The following CAST variants were observed in gnomAD, a reference collection of about 807,000 sequenced individuals.
CAST encodes the protein calpastatin.
A neutral mutation model predicts 119.6 loss-of-function variants in CAST; 76 were observed. The observed-to-expected ratio is 0.64, with a 90% confidence interval of 0.53 to 0.77. CAST has a LOEUF of 0.77. Among genes scored for constraint, CAST ranks in the 30% least tolerant of loss-of-function variants. The probability of loss-of-function intolerance (pLI) is 0.00; values close to 1 mark genes in which losing one functional copy is unlikely to be tolerated. For missense variants in CAST, 953 were observed against 946.5 expected (o/e 1.01, Z -0.09); for synonymous variants, 319 against 331.6 (o/e 0.96, Z 0.41).
the CAST span, among the ~76,000 whole-genome samples, chr5:96,449,378 C>T: frequency 3.9e-5 from 6 of 152,256 alleles, no homozygotes; most frequent in East Asian, 5.8e-4. Flanking sequence ...ACTGCACATG[C>T]GAGGAATCTG....
chr5:96,009,218 A>G, the CAST span, among the ~76,000 whole-genome samples: 1 of 152,332 alleles, frequency 6.6e-6, no homozygotes, highest in South Asian at 2.1e-4. Context: ...ACCACTGATT[A>G]GCATCTAGGT....
intron 1 of CAST, among the ~76,000 whole-genome samples, chr5:96,551,663 T>A (rs1346145897): frequency 6.6e-6 from 1 of 151,808 alleles, no homozygotes; most frequent in African/African-American, 2.4e-5. Flanking sequence ...TGTTCTGTAT[T>A]CAGGAGACCT....
At chr5:96,500,660 T>C in the CAST span, among the ~76,000 whole-genome samples, 2 of 152,238 alleles carry the variant, frequency 1.3e-5, no homozygotes, top group African/African-American at 4.8e-5. Flanking sequence ...TCTCTCCTTA[T>C]GTGTCCCTTT....
At chr5:96,411,038 T>C in the CAST span, 1 of 1,258,082 alleles carries the variant, frequency 7.9e-7, no homozygotes, top group Non-Finnish European at 1.2e-6. Flanking sequence ...TTGGGGTCAT[T>C]GTTATATCCC....
chr5:96,165,090 G>C, the CAST span, among the ~76,000 whole-genome samples: 1 of 152,044 alleles, frequency 6.6e-6, no homozygotes, highest in Non-Finnish European at 1.5e-5. Context: ...GAGGAAGTGA[G>C]GCCTCCGAGA....
chr5:96,489,032 T>G, the CAST span, among the ~76,000 whole-genome samples: 1 of 152,202 alleles, frequency 6.6e-6, no homozygotes, highest in Non-Finnish European at 1.5e-5. Flanking sequence ...ATCTGACCAC[T>G]TTTGTGCAAA....
the CAST span, among the ~76,000 whole-genome samples, chr5:96,036,049 A>G: frequency 6.6e-6 from 1 of 152,014 alleles, no homozygotes; most frequent in East Asian, 1.9e-4. Flanking sequence ...TTAGGAAGAT[A>G]GGGAAGATCT....
In CAST at chr5:96,727,512, G is replaced by T; in HGVS notation, c.360G>T (p.Lys120Asn). 6.4e-7 allele frequency: 1 copy of T among 1,562,674 alleles called. No individual in the cohort carries two copies. Among genetic ancestry groups the T allele is most frequent in the East Asian group, 2.3e-5 (1 of 42,954 alleles). Residue 120 changes from lysine (K) to asparagine (N), a missense_variant, in exon 6 of 32, where the codon AAG (lysine) becomes AAT (asparagine). Coordinates refer to ENST00000675179, the MANE Select transcript of CAST (RefSeq NM_001750.7). ...AGGCTGTAAAAACAGAACCTGAGAA[G>T]AAGTCACAGTCAACCAAGGTAAATA... ...KKQAVKTEPE[K>N]KSQSTKLSVV... is the part of the protein sequence containing the mutation.
intron 1 of CAST, among the ~76,000 whole-genome samples, chr5:96,670,098 T>G (rs1005511812): frequency 6.6e-6 from 1 of 152,118 alleles, no homozygotes; most frequent in Non-Finnish European, 1.5e-5. Context: ...AGAGCTGAGT[T>G]CCATGAGCTC....
chr5:96,464,379 TA>T, the CAST span, among the ~76,000 whole-genome samples: 1 of 152,048 alleles, frequency 6.6e-6, no homozygotes, highest in Non-Finnish European at 1.5e-5. Context: ...GGGCCTCATA[TA>T]AAGGGTCATT....
At chr5:96,735,594 C>T (rs953701392) in intron 9 of CAST, among the ~76,000 whole-genome samples, 1 of 152,222 alleles carries the variant, frequency 6.6e-6, no homozygotes, top group African/African-American at 2.4e-5. Context: ...CGAAAGGTGG[C>T]AATGGGGAGG....
the CAST span, among the ~76,000 whole-genome samples, chr5:95,962,907 T>A: frequency 6.6e-6 from 1 of 151,850 alleles, no homozygotes; most frequent in Non-Finnish European, 1.5e-5. Flanking sequence ...GATGGGGGCG[T>A]GAGGGGCGTG....
At chr5:96,052,524 C>G in the CAST span, among the ~76,000 whole-genome samples, 1 of 152,216 alleles carries the variant, frequency 6.6e-6, no homozygotes, top group South Asian at 2.1e-4. Flanking sequence ...AAATTACTCT[C>G]CAAAAAGGTT....
chr5:96,686,576 A>G (rs1752109589), intron 2 of CAST, among the ~76,000 whole-genome samples: 2 of 152,132 alleles, frequency 1.3e-5, no homozygotes, highest in African/African-American at 2.4e-5. Flanking sequence ...CTGGGATAGT[A>G]TCAGTTCTCT....
chr5:96,211,559 C>A, the CAST span, among the ~76,000 whole-genome samples: 3 of 151,930 alleles, frequency 2.0e-5, no homozygotes, highest in Non-Finnish European at 4.4e-5. Context: ...TTCTTAAGAA[C>A]TTTTACATGT....
At chr5:96,064,865 C>G in the CAST span, among the ~76,000 whole-genome samples, 1 of 152,090 alleles carries the variant, frequency 6.6e-6, no homozygotes, top group African/African-American at 2.4e-5. Context: ...TATATTATTT[C>G]TATGCTATGT....
chr5:96,206,848 G>A, the CAST span, among the ~76,000 whole-genome samples: 22 of 151,996 alleles, frequency 1.4e-4, 1 homozygote, highest in South Asian at 1.7e-3. Context: ...GAAAAATGTC[G>A]TTGGTAGTTT....
chr5:96,195,777 C>T, the CAST span, among the ~76,000 whole-genome samples: 2 of 152,112 alleles, frequency 1.3e-5, no homozygotes, highest in African/African-American at 4.8e-5. Flanking sequence ...ATAACATGTT[C>T]ATGCCAAAAT....
At chr5:96,022,081 T>C in the CAST span, among the ~76,000 whole-genome samples, 3 of 152,320 alleles carry the variant, frequency 2.0e-5, no homozygotes, top group South Asian at 6.2e-4. Flanking sequence ...TTGTAAAGAA[T>C]CTAGAGATGA....
Sources: gnomAD v4.1 joint callset for allele counts (sites outside exome capture counted in the v4.1 genomes callset) on GRCh38, gnomAD v4.1.1 for gene constraint, MANE v1.5 for transcripts, NCBI Gene and HGNC (gene_info 2026-07-23, HGNC 2026-07-21) for gene names.